The following GNG4 variants were observed in gnomAD, a reference collection of about 807,000 sequenced individuals.
The protein encoded by GNG4 is G protein subunit gamma 4.
In GNG4, 4 loss-of-function variants were observed where a neutral mutation model predicts 5.8. The observed-to-expected ratio is 0.69, with a 90% CI of 0.34 to 1.57. The LOEUF is 1.57. Ranked by LOEUF, GNG4 falls within the 40% of genes most tolerant of loss-of-function variation. GNG4 has a pLI of 0.06. For synonymous variants in GNG4, 29 were observed against 32.9 expected, an observed-to-expected ratio of 0.88 and a Z score of 0.41; for missense variants, 96 against 95.1, an observed-to-expected ratio of 1.01 and a Z score of -0.04.
At chr1:235,629,885 C>G (rs1329919655) in intron 1 of GNG4, among the ~76,000 whole-genome samples, 1 of 152,186 alleles carries the variant, frequency 6.6e-6, no homozygotes, top group East Asian at 1.9e-4. Context: ...AGCCACCATG[C>G]CTGGCTCAAA....
At chr1:235,594,218 C>A (rs1688067156) in intron 2 of GNG4, among the ~76,000 whole-genome samples, 1 of 152,220 alleles carries the variant, frequency 6.6e-6, no homozygotes, top group Non-Finnish European at 1.5e-5. Context: ...CATTCACAAA[C>A]CCTGCAAACC....
intron 1 of GNG4, among the ~76,000 whole-genome samples, chr1:235,646,480 G>T (rs1253676688): frequency 6.6e-6 from 1 of 152,188 alleles, no homozygotes; most frequent in Non-Finnish European, 1.5e-5. Context: ...TCATCCACAT[G>T]ACACGTCTAG....
chr1:235,571,794 A>C lies in GNG4; in HGVS notation c.99+11946T>G, dbSNP rs559684830. Among the ~76,000 whole-genome samples the C allele has an allele frequency of 4.6e-5, 7 of 152,300 alleles. 1 individual carries two copies. The South Asian group carries it at 1.5e-3, about 32-fold the overall frequency. On this transcript the variant is annotated intron_variant, in intron 3 of 3. Coordinates refer to ENST00000391854, the MANE Select transcript of GNG4 (RefSeq NM_001098722.2). ...GTATAGCCTATAGATTACAGGGTAT[A>C]GCCTATTGCTCCTAGGCTACAAACT...
At chr1:235,569,858 G>A (rs1317087185) in intron 3 of GNG4, among the ~76,000 whole-genome samples, 1 of 152,024 alleles carries the variant, frequency 6.6e-6, no homozygotes, top group Non-Finnish European at 1.5e-5. Flanking sequence ...GAGCCACTGC[G>A]CCTGGCCTCT....
At chr1:235,579,614 G>A (rs540937433) in intron 3 of GNG4, among the ~76,000 whole-genome samples, 32 of 151,998 alleles carry the variant, frequency 2.1e-4, no homozygotes, top group African/African-American at 7.7e-4. Context: ...ACTTAGAGAG[G>A]CCGAGACAGG....
chr1:235,594,463 C>A (rs1162824902), intron 2 of GNG4, among the ~76,000 whole-genome samples: 1 of 152,222 alleles, frequency 6.6e-6, no homozygotes, highest in Non-Finnish European at 1.5e-5. Context: ...GTCCATGGGA[C>A]TGGGTGCCAT....
intron 1 of GNG4, among the ~76,000 whole-genome samples, chr1:235,607,614 C>T (rs1393547880): frequency 6.6e-5 from 10 of 152,250 alleles, no homozygotes; most frequent in South Asian, 2.1e-4. Context: ...GTGGGTCACG[C>T]GCTTTGATCA....
At chr1:235,613,141 A>G (rs141527841) in intron 1 of GNG4, among the ~76,000 whole-genome samples, 28 of 152,280 alleles carry the variant, frequency 1.8e-4, no homozygotes, top group African/African-American at 6.5e-4. Flanking sequence ...CATTCAGACC[A>G]TAGCAGTCAC....
chr1:235,557,121 C>T (rs1379695498), intron 3 of GNG4, among the ~76,000 whole-genome samples: 2 of 152,170 alleles, frequency 1.3e-5, no homozygotes, highest in South Asian at 2.1e-4. Context: ...GGTACTGGTC[C>T]ATGGCCCGGC....
chr1:235,567,279 G>T (rs556604601), intron 3 of GNG4, among the ~76,000 whole-genome samples: 1 of 152,056 alleles, frequency 6.6e-6, no homozygotes, highest in Non-Finnish European at 1.5e-5. Context: ...ACAAATATAT[G>T]TGTACATATA....
chr1:235,597,697 C>T (rs1389145776), intron 1 of GNG4, among the ~76,000 whole-genome samples: 5 of 148,514 alleles, frequency 3.4e-5, no homozygotes, highest in Non-Finnish European at 1.5e-5. Context: ...GCGATCTCAG[C>T]TCACTGCAAA....
chr1:235,558,006 A>C (rs1686962920), intron 3 of GNG4, among the ~76,000 whole-genome samples: 1 of 152,142 alleles, frequency 6.6e-6, no homozygotes, highest in African/African-American at 2.4e-5. Flanking sequence ...CAAGAAAACG[A>C]GTTGTTCTTA....
chr1:235,592,914 G>A (rs944891014), intron 2 of GNG4, among the ~76,000 whole-genome samples: 4 of 150,892 alleles, frequency 2.7e-5, no homozygotes, highest in South Asian at 2.1e-4. Flanking sequence ...GTCTTACCAC[G>A]CTGGGCAAGC....
At chr1:235,599,377 C>G (rs1210869092) in intron 1 of GNG4, among the ~76,000 whole-genome samples, 1 of 150,454 alleles carries the variant, frequency 6.6e-6, no homozygotes, top group Non-Finnish European at 1.5e-5. Context: ...AGTGCAGTGA[C>G]GCGATCTTGG....
intron 1 of GNG4, among the ~76,000 whole-genome samples, chr1:235,599,661 G>A (rs1688210810): frequency 6.6e-6 from 1 of 152,154 alleles, no homozygotes; most frequent in Non-Finnish European, 1.5e-5. Context: ...GTTAGAGTTT[G>A]AAAAGTTCTG....
At chr1:235,592,928 C>T (rs1289577157) in intron 2 of GNG4, among the ~76,000 whole-genome samples, 1 of 148,172 alleles carries the variant, frequency 6.7e-6, no homozygotes, top group Non-Finnish European at 1.5e-5. Flanking sequence ...GGCAAGCAGA[C>T]CCCGGTTTGC....
At chr1:235,595,360 T>C (rs1341273992) in intron 2 of GNG4, 40 bp downstream of exon 2, 1 of 152,422 alleles carries the variant, frequency 6.6e-6, no homozygotes, top group Non-Finnish European at 1.5e-5. Flanking sequence ...AGACACCTGC[T>C]GTCCTCCTGC....
At chr1:235,577,730 C>T (rs950691551) in intron 3 of GNG4, among the ~76,000 whole-genome samples, 1 of 152,172 alleles carries the variant, frequency 6.6e-6, no homozygotes, top group Admixed American at 6.5e-5. Flanking sequence ...TGAGCCACTG[C>T]GCCCGGCCCA....
intron 1 of GNG4, among the ~76,000 whole-genome samples, chr1:235,627,084 T>C (rs1558502056): frequency 6.7e-6 from 1 of 149,262 alleles, no homozygotes; most frequent in Non-Finnish European, 1.5e-5. Context: ...GCACCATCGC[T>C]ACTCACAGAC....
Sources: allele counts gnomAD v4.1 joint callset (sites outside exome capture counted in the v4.1 genomes callset), GRCh38; gene constraint gnomAD v4.1.1; transcripts MANE v1.5; gene names NCBI Gene and HGNC (gene_info 2026-07-23, HGNC 2026-07-21).